EBF1: variants seen among roughly 807,000 people sequenced by gnomAD.
EBF1 encodes the protein EBF transcription factor 1, also known as transcription factor COE1.
Under a neutral mutation model 68.4 loss-of-function variants are expected in EBF1, and 10 were observed. The ratio of observed to expected loss-of-function variants is 0.15; its 90% CI spans 0.09 to 0.25. The LOEUF is 0.25. Among genes scored for constraint, EBF1 ranks in the 10% least tolerant of loss-of-function variants. EBF1 has a pLI of 1.00. For synonymous variants in EBF1, 298 were observed against 299.8 expected (o/e 0.99, Z 0.06); for missense variants, 509 against 794.4 (o/e 0.64, Z 4.32).
intron 10 of EBF1, among the ~76,000 whole-genome samples, chr5:158,755,014 G>A (rs1400669751): frequency 2.0e-5 from 3 of 152,250 alleles, no homozygotes; most frequent in South Asian, 2.1e-4. Flanking sequence ...TAAGAGGACA[G>A]AGTGGGACAA....
intron 6 of EBF1, among the ~76,000 whole-genome samples, chr5:159,020,222 A>G (rs1766397568): frequency 6.6e-6 from 1 of 152,148 alleles, no homozygotes; most frequent in African/African-American, 2.4e-5. Flanking sequence ...ACCTTGAGCC[A>G]AAGGATCAAT....
chr5:158,996,051 C>G (rs1459913569), intron 6 of EBF1, among the ~76,000 whole-genome samples: 1 of 152,170 alleles, frequency 6.6e-6, no homozygotes, highest in Admixed American at 6.6e-5. Flanking sequence ...ATACAAACAG[C>G]TATAACAGAT....
intron 6 of EBF1, among the ~76,000 whole-genome samples, chr5:159,041,837 C>T (rs1006480209): frequency 2.0e-5 from 3 of 152,186 alleles, no homozygotes; most frequent in African/African-American, 7.2e-5. Context: ...TTATTTACTG[C>T]ACCAAATATT....
At chr5:158,729,564 A>G (rs867241419) in intron 11 of EBF1, among the ~76,000 whole-genome samples, 8 of 152,324 alleles carry the variant, frequency 5.3e-5, no homozygotes, top group Middle Eastern at 6.8e-3. Context: ...CCTAATGGTA[A>G]ATCTCTCCAC....
At chr5:158,956,760 T>C (rs987712241) in intron 6 of EBF1, among the ~76,000 whole-genome samples, 14 of 143,820 alleles carry the variant, frequency 9.7e-5, no homozygotes, top group Non-Finnish European at 2.0e-4. Flanking sequence ...ACTTCTTTTT[T>C]TTTTTTTTTT....
At chr5:158,964,987 C>T (rs1276268261) in intron 6 of EBF1, among the ~76,000 whole-genome samples, 2 of 152,178 alleles carry the variant, frequency 1.3e-5, no homozygotes, top group African/African-American at 4.8e-5. Flanking sequence ...ATGCGTCAAA[C>T]AAATAATCCA....
At chr5:159,021,601 G>A (rs1489019759) in intron 6 of EBF1, among the ~76,000 whole-genome samples, 1 of 152,188 alleles carries the variant, frequency 6.6e-6, no homozygotes, top group Non-Finnish European at 1.5e-5. Flanking sequence ...AAGACAAGGA[G>A]GATTTGCCCA....
chr5:158,984,020 T>TATTTGA (rs749781514), intron 6 of EBF1, among the ~76,000 whole-genome samples: 122 of 152,166 alleles, frequency 8.0e-4, no homozygotes, highest in Non-Finnish European at 7.4e-4. Flanking sequence ...TGCTGGTTAC[T>TATTTGA]GTTATAATAT....
chr5:159,078,443 A>C (rs1332529548), intron 5 of EBF1, among the ~76,000 whole-genome samples: 1 of 152,242 alleles, frequency 6.6e-6, no homozygotes, highest in African/African-American at 2.4e-5. Context: ...GTGTTAATAA[A>C]AGAAATCACA....
intron 10 of EBF1, among the ~76,000 whole-genome samples, chr5:158,738,611 T>A (rs1191412872): frequency 6.6e-6 from 1 of 152,224 alleles, no homozygotes; most frequent in African/African-American, 2.4e-5. Flanking sequence ...CTAGAAATTA[T>A]CTCCTTGGTT....
chr5:158,771,617 T>G (rs1773900382), intron 10 of EBF1, among the ~76,000 whole-genome samples: 1 of 152,116 alleles, frequency 6.6e-6, no homozygotes, highest in South Asian at 2.1e-4. Context: ...TCATGAAGCT[T>G]GTGGACTTTT....
intron 6 of EBF1, among the ~76,000 whole-genome samples, chr5:158,947,770 CAAAGCT>C (rs1815099125): frequency 6.6e-6 from 1 of 152,126 alleles, no homozygotes; most frequent in South Asian, 2.1e-4. Flanking sequence ...CATGTCTGAG[CAAAGCT>C]AAATACGAAA....
rs187735741 is a variant in EBF1 at position 159,054,298 on chromosome 5, A to G, written c.554+19098T>C. Among the ~76,000 whole-genome samples the G allele has an allele frequency of 8.3e-4, 127 of 152,302 alleles. 1 individual carries two copies. The highest frequency in any genetic ancestry group is 3.0e-3 in the African/African-American group (124 of 41,560). On this transcript the variant is annotated intron_variant, in intron 6 of 15. Coordinates refer to ENST00000313708, the MANE Select transcript of EBF1 (RefSeq NM_024007.5). ...GAAATCCTGAAAGGGCCTATTCTGT[A>G]CCTGGAATTCTCAGAAAAATCATTA...
chr5:159,093,765 G>A (rs1782053740), intron 4 of EBF1, among the ~76,000 whole-genome samples: 1 of 152,046 alleles, frequency 6.6e-6, no homozygotes, highest in African/African-American at 2.4e-5. Flanking sequence ...TTTTGAGGAG[G>A]TTTAATTCAT....
At chr5:158,945,406 C>T (rs1297630371) in intron 6 of EBF1, among the ~76,000 whole-genome samples, 1 of 152,076 alleles carries the variant, frequency 6.6e-6, no homozygotes, top group African/African-American at 2.4e-5. Context: ...ATTTCTGAGG[C>T]CTCTGTTCTG....
intron 8 of EBF1, among the ~76,000 whole-genome samples, chr5:158,818,095 C>T (rs1784107735): frequency 6.6e-6 from 1 of 152,170 alleles, no homozygotes; most frequent in African/African-American, 2.4e-5. Flanking sequence ...CTGGCTCTCA[C>T]TGGACATACA....
chr5:158,900,533 GT>G (rs911918465), intron 6 of EBF1, among the ~76,000 whole-genome samples: 2 of 152,166 alleles, frequency 1.3e-5, no homozygotes, highest in Admixed American at 6.5e-5. Context: ...GTACAACTCT[GT>G]TTTTTTCAAC....
chr5:158,751,334 C>T (rs570611963), intron 10 of EBF1, among the ~76,000 whole-genome samples: 153 of 151,828 alleles, frequency 1.0e-3, no homozygotes, highest in African/African-American at 3.5e-3. Context: ...ACACATGTTG[C>T]GTTTGCCCCT....
intron 4 of EBF1, among the ~76,000 whole-genome samples, chr5:159,088,084 G>A (rs369794622): frequency 2.0e-5 from 3 of 152,042 alleles, no homozygotes; most frequent in Non-Finnish European, 2.9e-5. Flanking sequence ...GTGTAATGAG[G>A]TTAGCTCTAG....
Sources: gnomAD v4.1 joint callset for allele counts (sites outside exome capture counted in the v4.1 genomes callset) on GRCh38, gnomAD v4.1.1 for gene constraint, MANE v1.5 for transcripts, NCBI Gene and HGNC (gene_info 2026-07-23, HGNC 2026-07-21) for gene names.